The following SNX18 variants were observed in gnomAD, a reference collection of about 807,000 sequenced individuals.
SNX18 encodes sorting nexin 18, also known as sorting nexin-18.
Under a neutral mutation model 48.7 loss-of-function variants are expected in SNX18, and 35 were observed. The ratio of observed to expected loss-of-function variants is 0.72; its 90% confidence interval spans 0.55 to 0.95. SNX18 has a LOEUF of 0.95. Ranked by LOEUF, SNX18 falls within the 40% of genes least tolerant of loss-of-function variation. SNX18 has a pLI of 0.00. For synonymous variants in SNX18, 492 were observed against 384.7 expected (o/e 1.28, Z -3.26); for missense variants, 824 against 871.0 (o/e 0.95, Z 0.68).
At chr5:54,597,688 CCAATGAAAA>C in the SNX18 span, among the ~76,000 whole-genome samples, 1 of 152,068 alleles carries the variant, frequency 6.6e-6, no homozygotes, top group Non-Finnish European at 1.5e-5. Flanking sequence ...TTCTTTGAAA[CCAATGAAAA>C]CAAAGAAAAC....
At chr5:54,601,798 G>A in the SNX18 span, among the ~76,000 whole-genome samples, 5 of 151,964 alleles carry the variant, frequency 3.3e-5, no homozygotes, top group African/African-American at 4.8e-5. Context: ...TGGGGTTTAC[G>A]CTCCTTCTTC....
rs772103044 is a variant in SNX18 at position 54,543,319 on chromosome 5, C to T, written c.1762C>T (p.Arg588Ter). 7 of 1,614,146 alleles carry T rather than the reference C, an allele frequency of 4.3e-6. No homozygotes were observed. Among genetic ancestry groups the T allele is most frequent in the South Asian group, 1.1e-5 (1 of 91,082 alleles). ...LAEIHHFHQIRVRDFKSQMQH... is the reference protein window; with the variant it reads ...LAEIHHFHQI ...TGAAATTCACCACTTCCATCAAATTCGAGTGAGAGACTTTAAATCACAGAT... is the reference window on the plus strand; with the variant it reads ...TGAAATTCACCACTTCCATCAAATTTGAGTGAGAGACTTTAAATCACAGAT... Residue 588 changes from arginine to a stop codon, truncating the protein, a stop_gained, in exon 2 of 2, where the codon CGA (arginine) becomes TGA (stop). Transcript: ENST00000381410. LOFTEE classifies it high-confidence loss of function.
the SNX18 span, among the ~76,000 whole-genome samples, chr5:54,596,299 T>G: frequency 6.6e-6 from 1 of 152,292 alleles, no homozygotes; most frequent in Non-Finnish European, 1.5e-5. Flanking sequence ...TCCTCCCGTC[T>G]GAGGGCCAGC....
At chr5:54,608,758 T>C in the SNX18 span, among the ~76,000 whole-genome samples, 2 of 152,212 alleles carry the variant, frequency 1.3e-5, no homozygotes, top group African/African-American at 4.8e-5. Context: ...TATATTCAAG[T>C]GTGCATCACT....
At position 54,518,336 on chromosome 5, in the gene SNX18, C is replaced by T. The variant is rs1468380531; in HGVS notation, c.384C>T (p.Tyr128=). ...AGCCGCCCGGCGCGGGCTTCCCGTA[C>T]GGCGGGGGCGCCCTGCAGCCGTCGC... ...TFQPPGAGFP[Y]GGGALQPSPQ... The change falls in exon 1 of 2, where the codon TAC becomes TAT. Residue 128 remains tyrosine, a synonymous_variant. Transcript: ENST00000381410. 50 of 1,513,594 alleles carry T rather than the reference C, an allele frequency of 3.3e-5. No individual in the cohort carries two copies. The highest frequency in any genetic ancestry group is 4.1e-5 in the Non-Finnish European group (46 of 1,134,484). 93.8% of individuals were successfully genotyped at this position (1,513,594 alleles called of 1,614,324 possible).
the SNX18 span, among the ~76,000 whole-genome samples, chr5:54,594,446 T>C: frequency 0.041 from 6,220 of 152,256 alleles, 364 homozygotes; most frequent in African/African-American, 0.13. Flanking sequence ...AGGTTGGCTC[T>C]TGGATGGTGT....
In SNX18 at chr5:54,543,486, G is replaced by C; in HGVS notation, c.*54G>C. On this transcript the variant is annotated 3_prime_UTR_variant, in exon 2 of 2. Transcript: ENST00000381410. ...CAGTTCAAGGATAATTTCTACAGCA[G>C]AATAAAAACTGCTGTCAAAGAGCTA... is the stretch of plus-strand genomic sequence containing the variant. 6.3e-7 allele frequency: 1 copy of C among 1,577,848 alleles called. No individual in the cohort carries two copies. The highest frequency in any genetic ancestry group is 8.6e-7 in the Non-Finnish European group (1 of 1,161,432).
In SNX18 at chr5:54,519,587, C is replaced by T; in HGVS notation, c.1621+14C>T. 1 of 1,614,202 alleles carries T rather than the reference C, an allele frequency of 6.2e-7. No homozygotes were observed. Among genetic ancestry groups the T allele is most frequent in the Non-Finnish European group, 8.5e-7 (1 of 1,180,036 alleles). On this transcript the variant is annotated intron_variant, in intron 1 of 1. Coordinates refer to ENST00000381410, the MANE Select transcript of SNX18 (RefSeq NM_001102575.2). ...ACGTTCAGAAAGGTAAAGCCTGGCC[C>T]TTAGAGCAGGTGATATGGAGTGTAT...
At chr5:54,601,896 G>A in the SNX18 span, among the ~76,000 whole-genome samples, 10 of 152,050 alleles carry the variant, frequency 6.6e-5, no homozygotes, top group African/African-American at 2.4e-4. Context: ...AGAAAAAAAA[G>A]GGCACATTAG....
intron 1 of SNX18, among the ~76,000 whole-genome samples, chr5:54,521,827 C>A (rs960427125): frequency 1.3e-5 from 2 of 152,260 alleles, no homozygotes; most frequent in African/African-American, 4.8e-5. Flanking sequence ...CTCAGCCTCC[C>A]GAAGTGCTGG....
chr5:54,526,262 G>C (rs983721912), intron 1 of SNX18, among the ~76,000 whole-genome samples: 1 of 152,060 alleles, frequency 6.6e-6, no homozygotes, highest in Non-Finnish European at 1.5e-5. Context: ...GTGCCACCAT[G>C]CTTGGCTAAC....
chr5:54,561,130 C>T, the SNX18 span, among the ~76,000 whole-genome samples: 1 of 152,162 alleles, frequency 6.6e-6, no homozygotes, highest in Non-Finnish European at 1.5e-5. Context: ...GCCACCTCTG[C>T]CTCCTGGGTT....
At chr5:54,570,758 A>G in the SNX18 span, among the ~76,000 whole-genome samples, 11 of 152,004 alleles carry the variant, frequency 7.2e-5, no homozygotes, top group South Asian at 2.3e-3. Flanking sequence ...GATTCCAAAT[A>G]TTAAGGATAT....
chr5:54,631,652 T>C, the SNX18 span, among the ~76,000 whole-genome samples: 8 of 151,686 alleles, frequency 5.3e-5, no homozygotes, highest in Non-Finnish European at 7.3e-5. Context: ...TGGGAAGATA[T>C]CATCATATAT....
At chr5:54,558,783 G>A in the SNX18 span, among the ~76,000 whole-genome samples, 4 of 152,152 alleles carry the variant, frequency 2.6e-5, no homozygotes, top group South Asian at 4.1e-4. Flanking sequence ...CAGGTTGTTC[G>A]ATGTAAAAAA....
intron 1 of SNX18, among the ~76,000 whole-genome samples, chr5:54,525,305 C>T (rs545075114): frequency 8.6e-5 from 13 of 151,742 alleles, no homozygotes; most frequent in Non-Finnish European, 1.9e-4. Flanking sequence ...ACTTGAGAGG[C>T]TGAGGGAGGA....
chr5:54,517,999 C>T lies in SNX18; in HGVS notation c.47C>T (p.Pro16Leu). The change falls in exon 1 of 2, where the codon CCA (proline) becomes CTA (leucine). Residue 16 changes from proline to leucine, a missense_variant. Coordinates refer to ENST00000381410, the MANE Select transcript of SNX18 (RefSeq NM_001102575.2). ...RALYDFRSEN[P>L]GEISLREHEV... ...CTGTACGACTTCAGGTCGGAGAACCCAGGAGAGATCTCGCTGCGAGAGCAC... is the reference window on the plus strand; with the variant it reads ...CTGTACGACTTCAGGTCGGAGAACCTAGGAGAGATCTCGCTGCGAGAGCAC... The T allele has an allele frequency of 6.5e-7, 1 of 1,546,120 alleles. No homozygotes were observed. The highest frequency in any genetic ancestry group is 8.7e-7 in the Non-Finnish European group (1 of 1,148,414).
chr5:54,598,557 G>C, the SNX18 span, among the ~76,000 whole-genome samples: 1 of 152,160 alleles, frequency 6.6e-6, no homozygotes. Context: ...CTTTATTCCT[G>C]GGATGCAAGG....
At chr5:54,588,536 C>T in the SNX18 span, among the ~76,000 whole-genome samples, 1 of 151,840 alleles carries the variant, frequency 6.6e-6, no homozygotes, top group African/African-American at 2.4e-5. Flanking sequence ...ACCATGTTAG[C>T]CAGGATGGTC....
Sources: gnomAD v4.1 joint callset for allele counts (sites outside exome capture counted in the v4.1 genomes callset) on GRCh38, gnomAD v4.1.1 for gene constraint, MANE v1.5 for transcripts, NCBI Gene and HGNC (gene_info 2026-07-23, HGNC 2026-07-21) for gene names.